Variants in ATP8A1 observed in about 807,000 individuals in gnomAD.
ATP8A1 encodes the protein phospholipid-transporting ATPase IA.
A neutral mutation model predicts 177.7 loss-of-function variants in ATP8A1; 90 were observed. The observed-to-expected ratio is 0.51, with a 90% CI of 0.43 to 0.60. ATP8A1 has a LOEUF of 0.60. Ranked by LOEUF, ATP8A1 falls within the 20% of genes least tolerant of loss-of-function variation. The pLI is 0.00. For synonymous variants in ATP8A1, 493 were observed against 485.9 expected (o/e 1.01, Z -0.19); for missense variants, 1,072 against 1,392.8 (o/e 0.77, Z 3.67).
At chr4:42,419,778 T>C (rs913135600) in intron 35 of ATP8A1, among the ~76,000 whole-genome samples, 2 of 151,796 alleles carry the variant, frequency 1.3e-5, no homozygotes, top group African/African-American at 4.8e-5. Context: ...CTGAGGCGGG[T>C]GGATCACGAG....
intron 20 of ATP8A1, among the ~76,000 whole-genome samples, chr4:42,541,953 A>G (rs1728432256): frequency 6.6e-6 from 1 of 152,212 alleles, no homozygotes; most frequent in South Asian, 2.1e-4. Context: ...TGGTAGATAC[A>G]TGTCACTACA....
chr4:42,431,148 C>T (rs560743037), intron 33 of ATP8A1, among the ~76,000 whole-genome samples: 17 of 152,122 alleles, frequency 1.1e-4, no homozygotes, highest in Admixed American at 2.6e-4. Context: ...ATTGATTTAA[C>T]GACTAAGTTA....
intron 16 of ATP8A1, among the ~76,000 whole-genome samples, chr4:42,555,143 TATCTATCTATCTATCTATC>T (rs1730022970): frequency 1.9e-4 from 12 of 64,802 alleles, no homozygotes; most frequent in Admixed American, 7.6e-4. Flanking sequence ...CTATCTAATC[TATCTATCTATCTATCTATC>T]TATCTATCTA....
chr4:42,503,024 C>T lies in ATP8A1; in HGVS notation c.2151+426G>A, dbSNP rs150070365. On this transcript the variant is annotated intron_variant, in intron 24 of 36. Transcript: ENST00000381668. ...AGATGTTAGGACATTAAAGAAAGTCCGTCCTACTAGGAATGGTTGTTTTGT... is the reference window on the plus strand; with the variant it reads ...AGATGTTAGGACATTAAAGAAAGTCTGTCCTACTAGGAATGGTTGTTTTGT... Among the ~76,000 whole-genome samples the T allele has an allele frequency of 1.4e-3, 219 of 152,220 alleles. 1 individual carries two copies. Among genetic ancestry groups the T allele is most frequent in the African/African-American group, 4.9e-3 (205 of 41,530 alleles).
chr4:42,556,559 A>T (rs1353244790), intron 15 of ATP8A1, among the ~76,000 whole-genome samples: 1 of 152,166 alleles, frequency 6.6e-6, no homozygotes, highest in Non-Finnish European at 1.5e-5. Context: ...GCAAATATTT[A>T]TAAACATATT....
intron 15 of ATP8A1, among the ~76,000 whole-genome samples, chr4:42,566,987 C>T (rs192070325): frequency 7.4e-4 from 112 of 152,332 alleles, no homozygotes; most frequent in Non-Finnish European, 1.5e-3. Context: ...ATCTTCAAAA[C>T]CTCCTGATGA....
At chr4:42,516,523 A>G (rs988425122) in intron 22 of ATP8A1, among the ~76,000 whole-genome samples, 22 of 152,276 alleles carry the variant, frequency 1.4e-4, no homozygotes, top group African/African-American at 5.1e-4. Context: ...TGTTTTCTGT[A>G]ATTCTCAAGA....
intron 33 of ATP8A1, among the ~76,000 whole-genome samples, chr4:42,433,839 C>T (rs1219165077): frequency 2.1e-5 from 3 of 144,178 alleles, no homozygotes; most frequent in South Asian, 4.6e-4. Context: ...CATCTCTGTT[C>T]TCTGGCAAGA....
intron 27 of ATP8A1, among the ~76,000 whole-genome samples, chr4:42,458,594 G>A (rs1480495335): frequency 6.6e-6 from 1 of 152,176 alleles, no homozygotes; most frequent in Non-Finnish European, 1.5e-5. Flanking sequence ...ACCACCATCT[G>A]CCAAATCTGT....
At chr4:42,503,057 A>C (rs577745021) in intron 24 of ATP8A1, among the ~76,000 whole-genome samples, 1 of 152,262 alleles carries the variant, frequency 6.6e-6, no homozygotes, top group Non-Finnish European at 1.5e-5. Flanking sequence ...TGTGTTGTTC[A>C]ATAGCTTTCA....
chr4:42,622,338 C>T (rs1377569727), intron 4 of ATP8A1, among the ~76,000 whole-genome samples: 3 of 151,768 alleles, frequency 2.0e-5, no homozygotes, highest in Non-Finnish European at 4.4e-5. Context: ...GCCAAGATTG[C>T]GCCACTGCAC....
chr4:42,593,420 T>C (rs1330953958), intron 6 of ATP8A1, among the ~76,000 whole-genome samples: 1 of 152,074 alleles, frequency 6.6e-6, no homozygotes, highest in East Asian at 1.9e-4. Context: ...CTACCTGCAG[T>C]TACTTTAATT....
At position 42,555,138 on chromosome 4, in the gene ATP8A1, T is replaced by TATCTATCTAATC. The variant is rs1178885818; in HGVS notation, c.1413+829_1413+830insGATTAGATAGAT. Among the ~76,000 whole-genome samples the TATCTATCTAATC allele has an allele frequency of 2.7e-4, 21 of 76,810 alleles. No homozygotes were observed. The East Asian group carries it at 7.3e-3, about 27-fold the overall frequency. The allele number at this position is 76,810 out of a possible 152,430, so 50.4% of individuals were successfully genotyped here. A position where few individuals can be genotyped will look rare whatever the true frequency, so the allele number is the denominator to read the frequency against. ...CTATCTATCTATCTATCTATCTATC[T>TATCTATCTAATC]AATCTATCTATCTATCTATCTATCT... is the stretch of plus-strand genomic sequence containing the variant. On this transcript the variant is annotated intron_variant, in intron 16 of 36. Coordinates refer to ENST00000381668, the MANE Select transcript of ATP8A1 (RefSeq NM_006095.2).
chr4:42,639,475 G>A (rs1057162526), intron 1 of ATP8A1, among the ~76,000 whole-genome samples: 1 of 152,050 alleles, frequency 6.6e-6, no homozygotes, highest in Non-Finnish European at 1.5e-5. Context: ...TGCTTCAATC[G>A]TCTATCAAGG....
At chr4:42,499,060 C>T (rs1254330087) in intron 24 of ATP8A1, among the ~76,000 whole-genome samples, 1 of 152,140 alleles carries the variant, frequency 6.6e-6, no homozygotes, top group Non-Finnish European at 1.5e-5. Context: ...ACACAGAAAG[C>T]TGCATTTTCC....
At chr4:42,437,139 T>C (rs1716086765) in intron 33 of ATP8A1, among the ~76,000 whole-genome samples, 1 of 152,228 alleles carries the variant, frequency 6.6e-6, no homozygotes, top group African/African-American at 2.4e-5. Flanking sequence ...GGGAGGACTT[T>C]ACAGTGCCTG....
At chr4:42,624,744 A>G in intron 3 of ATP8A1, 110 bp from the exon 4 acceptor site, 3 of 509,978 alleles carry the variant, frequency 5.9e-6, no homozygotes, top group Non-Finnish European at 1.0e-5. Context: ...TGATTTTACT[A>G]TCTTGGCCGA....
At chr4:42,573,284 G>C (rs546642725) in intron 14 of ATP8A1, among the ~76,000 whole-genome samples, 79 of 152,284 alleles carry the variant, frequency 5.2e-4, no homozygotes, top group African/African-American at 1.7e-3. Flanking sequence ...CAGAATTTGT[G>C]TAAAAAAATC....
At chr4:42,418,910 G>C (rs1020478714) in intron 35 of ATP8A1, among the ~76,000 whole-genome samples, 14 of 152,120 alleles carry the variant, frequency 9.2e-5, no homozygotes, top group African/African-American at 3.1e-4. Flanking sequence ...TCTTCCTTAA[G>C]TGCTTACAAT....
Sources: gnomAD v4.1 joint callset for allele counts (sites outside exome capture counted in the v4.1 genomes callset) on GRCh38, gnomAD v4.1.1 for gene constraint, MANE v1.5 for transcripts, NCBI Gene and HGNC (gene_info 2026-07-23, HGNC 2026-07-21) for gene names.